DIP2B: variants seen among roughly 807,000 people sequenced by gnomAD.
DIP2B encodes the protein DIP2 acetate--CoA ligase B (putative).
A neutral mutation model predicts 198.0 loss-of-function variants in DIP2B; 76 were observed. The ratio of observed to expected loss-of-function variants is 0.38; its 90% CI spans 0.32 to 0.46. The LOEUF is 0.46. DIP2B is among the 20% of genes least tolerant of loss of function. The pLI, the probability that DIP2B is intolerant of heterozygous loss-of-function variation, is 0.99. For missense variants in DIP2B, 1,559 were observed against 1,978.4 expected (o/e 0.79, Z 4.02); for synonymous variants, 701 against 739.1 (o/e 0.95, Z 0.84).
At chr12:50,551,447 G>GTA (rs370294143) in intron 1 of DIP2B, among the ~76,000 whole-genome samples, 2 of 152,164 alleles carry the variant, frequency 1.3e-5, no homozygotes, top group African/African-American at 4.8e-5. Flanking sequence ...GTGTGTGTGT[G>GTA]TATGTGTGTA....
chr12:50,536,039 TA>T (rs1472028663), intron 1 of DIP2B, among the ~76,000 whole-genome samples: 28 of 151,968 alleles, frequency 1.8e-4, no homozygotes, highest in Middle Eastern at 3.4e-3. Context: ...CATCATTTTT[TA>T]TGGCTGCATA....
chr12:50,706,771 G>C (rs1939521176), intron 21 of DIP2B, 106 bp downstream of exon 21: 1 of 1,350,516 alleles, frequency 7.4e-7, no homozygotes, highest in Non-Finnish European at 1.0e-6. Context: ...CAAGTGATCA[G>C]ATTGTTTTTG....
intron 1 of DIP2B, among the ~76,000 whole-genome samples, chr12:50,530,102 G>T (rs61699126): frequency 6.6e-6 from 1 of 151,598 alleles, no homozygotes; most frequent in South Asian, 2.1e-4. Flanking sequence ...TTTGAGACAG[G>T]GTCTCTCTCT....
At position 50,747,839 on chromosome 12, in the gene DIP2B, G is replaced by A. The variant is rs1483152059; in HGVS notation, c.*3000G>A. On this transcript the variant is annotated 3_prime_UTR_variant, in exon 38 of 38. Transcript: ENST00000301180. ...AGAAGTAACTGAAGTAGATCAGGAA[G>A]GGGCTGCCTCAGGAAAATTCCTAGA... is the stretch of plus-strand genomic sequence containing the variant. 6.6e-6 allele frequency: 1 copy of A among 152,490 alleles called. No homozygotes were observed. Among genetic ancestry groups the A allele is most frequent in the African/African-American group, 2.4e-5 (1 of 41,456 alleles). The allele number at this position is 152,490 out of a possible 1,614,324, so 9.4% of individuals were successfully genotyped here. A position where few individuals can be genotyped will look rare whatever the true frequency, so the allele number is the denominator to read the frequency against.
chr12:50,742,320 C>T (rs778139363), intron 37 of DIP2B, among the ~76,000 whole-genome samples: 5 of 136,352 alleles, frequency 3.7e-5, no homozygotes, highest in Non-Finnish European at 6.0e-5. Context: ...TCACTTGAGC[C>T]TGGGAGGTTG....
chr12:50,628,066 T>C (rs892215705), intron 2 of DIP2B, among the ~76,000 whole-genome samples: 1 of 152,052 alleles, frequency 6.6e-6, no homozygotes, highest in Non-Finnish European at 1.5e-5. Context: ...ACAGTATCTG[T>C]AGAGAACTTA....
At chr12:50,631,990 CTTTT>C (rs752577696) in intron 2 of DIP2B, among the ~76,000 whole-genome samples, 1 of 140,006 alleles carries the variant, frequency 7.1e-6, no homozygotes, top group Non-Finnish European at 1.6e-5. Flanking sequence ...TTTAATTTGA[CTTTT>C]TTTTTTTTTT....
intron 1 of DIP2B, among the ~76,000 whole-genome samples, chr12:50,614,475 A>G (rs1937658184): frequency 1.3e-5 from 2 of 152,142 alleles, no homozygotes; most frequent in South Asian, 4.1e-4. Context: ...TCTAAAATCT[A>G]TATATCCATT....
At chr12:50,630,725 G>A (rs1485707819) in intron 2 of DIP2B, among the ~76,000 whole-genome samples, 1 of 131,078 alleles carries the variant, frequency 7.6e-6, no homozygotes, top group Non-Finnish European at 1.6e-5. Flanking sequence ...AGGCTGGAGT[G>A]CAATGGCGTG....
At chr12:50,524,516 C>A (rs1037740200) in intron 1 of DIP2B, among the ~76,000 whole-genome samples, 1 of 152,052 alleles carries the variant, frequency 6.6e-6, no homozygotes, top group Non-Finnish European at 1.5e-5. Flanking sequence ...TCTCTCCTTC[C>A]CTATTCTTCC....
chr12:50,610,983 T>C (rs979383362), intron 1 of DIP2B, among the ~76,000 whole-genome samples: 1 of 151,948 alleles, frequency 6.6e-6, no homozygotes, highest in Non-Finnish European at 1.5e-5. Context: ...GTATTTTTAG[T>C]AGAGATGGGT....
At chr12:50,654,107 C>T (rs1938512751) in intron 3 of DIP2B, among the ~76,000 whole-genome samples, 1 of 152,098 alleles carries the variant, frequency 6.6e-6, no homozygotes, top group Non-Finnish European at 1.5e-5. Flanking sequence ...CTCCTGGCCT[C>T]AGATGATCTA....
At chr12:50,652,334 T>A (rs1290705134) in intron 3 of DIP2B, among the ~76,000 whole-genome samples, 1 of 108,472 alleles carries the variant, frequency 9.2e-6, no homozygotes, top group Non-Finnish European at 1.8e-5. Context: ...TATATATATA[T>A]AATATATATA....
chr12:50,564,921 A>G (rs1394928985), intron 1 of DIP2B, among the ~76,000 whole-genome samples: 1 of 152,204 alleles, frequency 6.6e-6, no homozygotes, highest in African/African-American at 2.4e-5. Context: ...GTCCATCATT[A>G]TATATGACAT....
Position 50,745,141 on chromosome 12 carries a change from A to G in DIP2B, c.*302A>G. ...GTTGTACATAGTTGTATTTTTATCT[A>G]ATGCCATTTTAGAATTTTCTAAGGG... On this transcript the variant is annotated 3_prime_UTR_variant, in exon 38 of 38. Coordinates refer to ENST00000301180, the MANE Select transcript of DIP2B (RefSeq NM_173602.3). The G allele has an allele frequency of 3.0e-6, 1 of 333,970 alleles. No homozygotes were observed. The highest frequency in any genetic ancestry group is 2.1e-5 in the African/African-American group (1 of 47,680). The allele number at this position is 333,970 out of a possible 1,614,324, so 20.7% of individuals were successfully genotyped here.
chr12:50,618,168 G>C (rs1007219259), intron 1 of DIP2B, among the ~76,000 whole-genome samples: 2 of 152,190 alleles, frequency 1.3e-5, no homozygotes. Flanking sequence ...AGAATGTTTT[G>C]AAAAGTTAAA....
chr12:50,662,433 C>A (rs959571540), intron 4 of DIP2B, among the ~76,000 whole-genome samples: 3 of 152,232 alleles, frequency 2.0e-5, no homozygotes, highest in Admixed American at 2.0e-4. Flanking sequence ...ATGCCTAAGA[C>A]AAATACTTTG....
At chr12:50,605,154 C>A (rs549099157) in intron 1 of DIP2B, among the ~76,000 whole-genome samples, 2 of 152,064 alleles carry the variant, frequency 1.3e-5, no homozygotes, top group African/African-American at 4.8e-5. Context: ...TTTAAAAAAC[C>A]CCCAACTTTA....
chr12:50,522,538 G>T lies in DIP2B; in HGVS notation c.100+17298G>T, dbSNP rs115587692. Among the ~76,000 whole-genome samples, 768 of 152,214 alleles carry T rather than the reference G, an allele frequency of 5.0e-3. 5 individuals are homozygous for T. The highest frequency in any genetic ancestry group is 0.017 in the African/African-American group (717 of 41,512). ...CTAATGGATGCATCTTTGGGGTATG[G>T]GGGAAACTAGAGTACCTGGAGAAAA... On this transcript the variant is annotated intron_variant, in intron 1 of 37. Transcript: ENST00000301180.
Sources: gnomAD v4.1 joint callset for allele counts (sites outside exome capture counted in the v4.1 genomes callset) on GRCh38, gnomAD v4.1.1 for gene constraint, MANE v1.5 for transcripts, NCBI Gene and HGNC (gene_info 2026-07-23, HGNC 2026-07-21) for gene names.